TC2N: variants seen among roughly 807,000 people sequenced by gnomAD.
TC2N encodes tandem C2 domains, nuclear.
In TC2N, 51 loss-of-function variants were observed where a neutral mutation model predicts 61.9. That is an observed-to-expected ratio of 0.82 (90% confidence interval 0.66 to 1.04). TC2N has a LOEUF of 1.04. Among genes scored for constraint, TC2N ranks in the 50% least tolerant of loss-of-function variants. TC2N has a pLI of 0.00. For missense variants in TC2N, 556 were observed against 566.7 expected (o/e 0.98, Z 0.19); for synonymous variants, 204 against 192.6 (o/e 1.06, Z -0.49).
intron 1 of TC2N, among the ~76,000 whole-genome samples, chr14:91,854,069 G>A (rs1390733144): frequency 6.6e-6 from 1 of 152,118 alleles, no homozygotes; most frequent in Non-Finnish European, 1.5e-5. Context: ...GCGTGGTTTT[G>A]AAGTGGAACC....
intron 1 of TC2N, among the ~76,000 whole-genome samples, chr14:91,821,661 GA>G (rs1595255442): frequency 6.6e-6 from 1 of 151,950 alleles, no homozygotes; most frequent in African/African-American, 2.4e-5. Context: ...AGATTTAATT[GA>G]AATTAAAAAC....
intron 1 of TC2N, among the ~76,000 whole-genome samples, chr14:91,834,740 C>T (rs1418010993): frequency 6.6e-6 from 1 of 152,174 alleles, no homozygotes; most frequent in Non-Finnish European, 1.5e-5. Flanking sequence ...ACTCTCCTCT[C>T]CTGGCTTCTA....
intron 5 of TC2N, 76 bp downstream of exon 5, chr14:91,800,205 T>G: frequency 1.2e-6 from 1 of 813,932 alleles, no homozygotes; most frequent in South Asian, 2.0e-5. Context: ...ATATTCCTAA[T>G]GTAATTCATA....
At chr14:91,846,935 A>C (rs1482960842) in intron 1 of TC2N, among the ~76,000 whole-genome samples, 3 of 152,184 alleles carry the variant, frequency 2.0e-5, no homozygotes, top group Non-Finnish European at 1.5e-5. Flanking sequence ...GCCCCAAATA[A>C]ATAACAGAAA....
At chr14:91,801,802 C>G (rs1886263306) in intron 4 of TC2N, among the ~76,000 whole-genome samples, 1 of 152,152 alleles carries the variant, frequency 6.6e-6, no homozygotes, top group South Asian at 2.1e-4. Flanking sequence ...TTATCATGAA[C>G]AACATAATGC....
At chr14:91,866,405 T>C (rs1475493986) in intron 1 of TC2N, 1 of 152,218 alleles carries the variant, frequency 6.6e-6, no homozygotes, top group Non-Finnish European at 1.5e-5. Flanking sequence ...GGCAAACCAC[T>C]GCAAAACTCT....
chr14:91,858,000 C>T (rs547118368), intron 1 of TC2N, among the ~76,000 whole-genome samples: 95 of 152,228 alleles, frequency 6.2e-4, no homozygotes, highest in African/African-American at 2.1e-3. Flanking sequence ...GGGTATTACT[C>T]TGTTGCCCAG....
At position 91,799,060 on chromosome 14, in the gene TC2N, T is replaced by C. The variant is rs552579246; in HGVS notation, c.566A>G (p.His189Arg). Residue 189 changes from histidine (H) to arginine (R), a missense_variant, in exon 6 of 12, where the codon CAT (histidine) becomes CGT (arginine). Physicochemically the swap from His to Arg is conservative, Grantham distance 29. Transcript: ENST00000435962. ...TNSSQRFIQR[H>R]DSLSSVPSSS... ...ACTGGGTACACTGGACAATGAATCA[T>C]GTCTCTATAAATAAAATTATTCTTT... 1.6e-5 allele frequency: 25 copies of C among 1,571,412 alleles called. No homozygotes were observed. Among genetic ancestry groups the C allele is most frequent in the African/African-American group, 1.4e-4 (10 of 72,008 alleles).
intron 9 of TC2N, 85 bp downstream of exon 9, chr14:91,792,282 T>A (rs1366227720): frequency 2.6e-6 from 2 of 761,442 alleles, no homozygotes; most frequent in East Asian, 5.2e-5. Context: ...AATATTCTAT[T>A]CAGGCTATTC....
At chr14:91,791,615 TTC>T (rs1885659806) in intron 9 of TC2N, among the ~76,000 whole-genome samples, 1 of 152,176 alleles carries the variant, frequency 6.6e-6, no homozygotes, top group Non-Finnish European at 1.5e-5. Context: ...CTGTAAAAAC[TTC>T]TAATCAATTT....
At chr14:91,822,874 A>G (rs187395760) in intron 1 of TC2N, among the ~76,000 whole-genome samples, 16 of 151,798 alleles carry the variant, frequency 1.1e-4, no homozygotes, top group Admixed American at 7.2e-4. Flanking sequence ...ACCACCACGC[A>G]TGGCTAATTT....
chr14:91,808,355 G>A (rs911117611), intron 3 of TC2N, among the ~76,000 whole-genome samples: 2 of 152,122 alleles, frequency 1.3e-5, no homozygotes. Flanking sequence ...GTTTGTGTAA[G>A]TGCCTCTACA....
chr14:91,818,089 T>C (rs11160028), intron 1 of TC2N, among the ~76,000 whole-genome samples: 82,286 of 151,826 alleles, frequency 0.54, 24,385 homozygotes, highest in Non-Finnish European at 0.65. Flanking sequence ...TTCCAGGCCA[T>C]GGGAAATTAC....
At chr14:91,785,729 A>G in intron 10 of TC2N, among the ~76,000 whole-genome samples, 1 of 152,142 alleles carries the variant, frequency 6.6e-6, no homozygotes, top group East Asian at 1.9e-4. Context: ...ACAATTATAT[A>G]GGTAAAATAT....
chr14:91,786,217 C>A (rs994007568), intron 10 of TC2N, among the ~76,000 whole-genome samples: 5 of 152,086 alleles, frequency 3.3e-5, no homozygotes, highest in Non-Finnish European at 7.4e-5. Flanking sequence ...CATCTGTTGT[C>A]CTTGTTTCCT....
intron 10 of TC2N, among the ~76,000 whole-genome samples, chr14:91,786,670 T>A (rs943932648): frequency 6.6e-6 from 1 of 152,246 alleles, no homozygotes; most frequent in Non-Finnish European, 1.5e-5. Flanking sequence ...GGTATTGCTT[T>A]ATACATGATA....
At chr14:91,840,334 C>CA (rs1888141416) in intron 1 of TC2N, among the ~76,000 whole-genome samples, 1 of 151,924 alleles carries the variant, frequency 6.6e-6, no homozygotes, top group Admixed American at 6.5e-5. Flanking sequence ...TTAAACATAC[C>CA]AAAAAAATGT....
At chr14:91,818,479 A>G (rs1192502229) in intron 1 of TC2N, among the ~76,000 whole-genome samples, 1 of 152,186 alleles carries the variant, frequency 6.6e-6, no homozygotes, top group African/African-American at 2.4e-5. Context: ...CCAGCATTCA[A>G]GGTAAAACTC....
rs758392935 is a variant in TC2N, at chr14:91,813,788, TC to T, written c.-20del. The T allele has an allele frequency of 6.3e-6, 10 of 1,580,906 alleles. No homozygotes were observed. Among genetic ancestry groups the T allele is most frequent in the Non-Finnish European group, 7.8e-6 (9 of 1,152,218 alleles). On this transcript the variant is annotated 5_prime_UTR_variant, in exon 2 of 12. Coordinates refer to ENST00000435962, the MANE Select transcript of TC2N (RefSeq NM_001128596.3). ...TTGCCATTACATTCAATTTCCAATA[TC>T]CAGCAAAAGACACAAACTTCCAATC...
Sources: allele counts gnomAD v4.1 joint callset (sites outside exome capture counted in the v4.1 genomes callset), GRCh38; gene constraint gnomAD v4.1.1; transcripts MANE v1.5; gene names NCBI Gene and HGNC (gene_info 2026-07-23, HGNC 2026-07-21).